The following ANKS1B variants were observed in gnomAD, a reference collection of about 807,000 sequenced individuals.
The protein encoded by ANKS1B is ankyrin repeat and sterile alpha motif domain containing 1B, also known as ankyrin repeat and sterile alpha motif domain-containing protein 1B.
ANKS1B carries 36 observed loss-of-function variants against 148.3 expected under a neutral mutation model. The ratio of observed to expected loss-of-function variants is 0.24; its 90% CI spans 0.19 to 0.32. The LOEUF (loss-of-function observed/expected upper bound fraction) is 0.32, where lower values mean the gene tolerates loss of function less well. Ranked by LOEUF, ANKS1B falls within the 10% of genes least tolerant of loss-of-function variation. ANKS1B has a pLI of 1.00. For synonymous variants in ANKS1B, 542 were observed against 560.8 expected, an observed-to-expected ratio of 0.97 and a Z score of 0.47; for missense variants, 1,157 against 1,542.6, an observed-to-expected ratio of 0.75 and a Z score of 4.19.
intron 17 of ANKS1B, chr12:98,976,530 C>T (rs1354353037): frequency 1.3e-5 from 2 of 152,186 alleles, no homozygotes; most frequent in Admixed American, 1.3e-4. Flanking sequence ...AAGAGCCTGC[C>T]TAGCTGCTCT....
At chr12:98,959,482 C>T (rs534599758) in intron 17 of ANKS1B, among the ~76,000 whole-genome samples, 9 of 152,192 alleles carry the variant, frequency 5.9e-5, no homozygotes, top group African/African-American at 1.7e-4. Context: ...CATTTGGGCC[C>T]GAGTACCTAA....
chr12:99,078,388 C>T (rs1032717634), intron 16 of ANKS1B, among the ~76,000 whole-genome samples: 3 of 152,114 alleles, frequency 2.0e-5, no homozygotes, highest in South Asian at 2.1e-4. Context: ...TATGGGATTA[C>T]TGATTTGTGT....
Position 99,339,698 on chromosome 12 carries a change from C to T in ANKS1B, c.1756+59933G>A, listed in dbSNP as rs117495917. Among the ~76,000 whole-genome samples, 65 of 152,238 alleles carry T rather than the reference C, an allele frequency of 4.3e-4. 1 individual carries two copies. The East Asian group carries it at 0.012, about 28-fold the overall frequency. ...TTTTGAAAGTTGATTTTGTTAGATG[C>T]ATTACTCAGTTTTAGATTTCCTTAT... On this transcript the variant is annotated intron_variant, in intron 12 of 26. Coordinates refer to ENST00000683438, the MANE Select transcript of ANKS1B (RefSeq NM_001352186.2).
At chr12:98,855,019 C>A (rs2099555057) in intron 17 of ANKS1B, among the ~76,000 whole-genome samples, 1 of 151,870 alleles carries the variant, frequency 6.6e-6, no homozygotes, top group Admixed American at 6.6e-5. Flanking sequence ...ATTAGCCGGG[C>A]GCGGTGGCGG....
At chr12:99,215,376 G>A (rs1410789681) in intron 14 of ANKS1B, among the ~76,000 whole-genome samples, 3 of 152,188 alleles carry the variant, frequency 2.0e-5, no homozygotes, top group Non-Finnish European at 2.9e-5. Context: ...TCCCTACTGG[G>A]GCACTGACAA....
intron 16 of ANKS1B, among the ~76,000 whole-genome samples, chr12:99,078,893 A>G (rs572768802): frequency 3.3e-5 from 5 of 152,308 alleles, no homozygotes; most frequent in Admixed American, 1.3e-4. Context: ...GTGATTAGGT[A>G]GCAAAAGACT....
chr12:99,778,864 C>A (rs927845247), intron 6 of ANKS1B, among the ~76,000 whole-genome samples: 2 of 152,134 alleles, frequency 1.3e-5, no homozygotes, highest in African/African-American at 4.8e-5. Flanking sequence ...ATGTTCCCTG[C>A]CTGACTTGGT....
intron 17 of ANKS1B, among the ~76,000 whole-genome samples, chr12:98,921,454 T>G (rs2099801322): frequency 6.6e-6 from 1 of 152,218 alleles, no homozygotes; most frequent in South Asian, 2.1e-4. Context: ...TTTTTCTACC[T>G]GATATTAATC....
intron 12 of ANKS1B, among the ~76,000 whole-genome samples, chr12:99,278,932 T>C (rs939531804): frequency 2.0e-5 from 3 of 152,142 alleles, no homozygotes; most frequent in East Asian, 1.9e-4. Flanking sequence ...ACCTAAATTA[T>C]TGCACCCAAA....
chr12:98,746,777 G>A (rs1205372278), intron 26 of ANKS1B, among the ~76,000 whole-genome samples: 5 of 152,180 alleles, frequency 3.3e-5, no homozygotes, highest in African/African-American at 4.8e-5. Context: ...ATGGACAGCC[G>A]AAGGACCAGC....
At chr12:99,283,221 T>C (rs1481133818) in intron 12 of ANKS1B, among the ~76,000 whole-genome samples, 5 of 152,148 alleles carry the variant, frequency 3.3e-5, no homozygotes, top group Non-Finnish European at 7.4e-5. Flanking sequence ...AGATCTAGAA[T>C]GTGCTTAATA....
chr12:99,818,315 T>C (rs895713349), intron 2 of ANKS1B, among the ~76,000 whole-genome samples: 2 of 151,828 alleles, frequency 1.3e-5, no homozygotes, highest in African/African-American at 4.8e-5. Context: ...TATTCAGTCA[T>C]TGATTGATGA....
At chr12:99,005,168 C>T (rs1042120686) in intron 17 of ANKS1B, among the ~76,000 whole-genome samples, 1 of 152,166 alleles carries the variant, frequency 6.6e-6, no homozygotes, top group Non-Finnish European at 1.5e-5. Flanking sequence ...CCAAAGTTTC[C>T]CACCAGGGGC....
intron 15 of ANKS1B, among the ~76,000 whole-genome samples, chr12:99,094,209 C>G (rs1170079251): frequency 6.6e-6 from 1 of 151,994 alleles, no homozygotes; most frequent in Non-Finnish European, 1.5e-5. Flanking sequence ...AATTTACAGT[C>G]TAGTGGAGAA....
At chr12:99,436,541 C>T (rs1201081585) in intron 11 of ANKS1B, among the ~76,000 whole-genome samples, 1 of 151,940 alleles carries the variant, frequency 6.6e-6, no homozygotes, top group Non-Finnish European at 1.5e-5. Context: ...TTTACATACC[C>T]ACTCTCATTT....
intron 2 of ANKS1B, 109 bp from the exon 3 acceptor site, chr12:99,812,420 T>C: frequency 1.7e-6 from 2 of 1,207,028 alleles, no homozygotes; most frequent in East Asian, 2.5e-5. Flanking sequence ...AGAGTAATCA[T>C]TCAAGGTACT....
intron 9 of ANKS1B, among the ~76,000 whole-genome samples, chr12:99,653,678 CTTTT>C (rs199988255): frequency 3.2e-4 from 36 of 113,550 alleles, no homozygotes; most frequent in East Asian, 1.1e-3. Flanking sequence ...TTCTTTCTTT[CTTTT>C]TTTTTTTTTT....
chr12:99,023,230 C>T (rs190484325), intron 17 of ANKS1B, among the ~76,000 whole-genome samples: 2 of 151,980 alleles, frequency 1.3e-5, no homozygotes, highest in East Asian at 3.9e-4. Context: ...TACATATTTA[C>T]CAGTTTCTTT....
At chr12:99,862,478 T>C (rs1002449236) in intron 1 of ANKS1B, among the ~76,000 whole-genome samples, 1 of 152,226 alleles carries the variant, frequency 6.6e-6, no homozygotes, top group Non-Finnish European at 1.5e-5. Context: ...TATAAAATAC[T>C]TCTTATGTTT....
Sources: allele counts gnomAD v4.1 joint callset (sites outside exome capture counted in the v4.1 genomes callset), GRCh38; gene constraint gnomAD v4.1.1; transcripts MANE v1.5; gene names NCBI Gene and HGNC (gene_info 2026-07-23, HGNC 2026-07-21).